The following HAUS7 variants were observed in gnomAD, a reference collection of about 807,000 sequenced individuals.
HAUS7 encodes HAUS augmin-like complex subunit 7.
A neutral mutation model predicts 28.4 loss-of-function variants in HAUS7; 3 were observed. The observed-to-expected ratio is 0.11, with a 90% confidence interval of 0.05 to 0.27. The LOEUF (loss-of-function observed/expected upper bound fraction) is 0.27, where lower values mean the gene tolerates loss of function less well. Ranked by LOEUF, HAUS7 falls within the 10% of genes least tolerant of loss-of-function variation. The probability of loss-of-function intolerance (pLI) is 1.00; values close to 1 mark genes in which losing one functional copy is unlikely to be tolerated. For missense variants in HAUS7, 284 were observed against 297.3 expected, an observed-to-expected ratio of 0.96 and a Z score of 0.33; for synonymous variants, 165 against 132.1, an observed-to-expected ratio of 1.25 and a Z score of -1.71.
intron 1 of HAUS7, among the ~76,000 whole-genome samples, chrX:153,494,180 G>A (rs2089689924): frequency 1.8e-5 from 2 of 111,978 alleles, no homozygotes; most frequent in South Asian, 3.8e-4. Context: ...GGGGTAACCC[G>A]GTTAGCCCCC....
intron 4 of HAUS7, chrX:153,461,831 C>T (rs934381583): frequency 3.4e-6 from 1 of 292,503 alleles, no homozygotes; most frequent in Non-Finnish European, 6.0e-6. Flanking sequence ...AGTTTGGGGG[C>T]TCCTCGAAAA....
chrX:153,465,583 C>T (rs1334079373), intron 2 of HAUS7, among the ~76,000 whole-genome samples: 1 of 112,637 alleles, frequency 8.9e-6, no homozygotes, highest in Non-Finnish European at 1.9e-5. Flanking sequence ...TGGTCACAGT[C>T]GAGGCTCATC....
In HAUS7 at chrX:153,485,969, T is replaced by G. The variant is rs782447989; in HGVS notation, c.-589+9405A>C. 7.3e-5 allele frequency: 71 copies of G among 977,619 alleles called. No homozygotes were observed. In the East Asian group the frequency reaches 5.1e-3, roughly 70 times the overall value. The allele number at this position is 977,619 out of a possible 1,213,427, so 80.6% of individuals were successfully genotyped here. A position where few individuals can be genotyped will look rare whatever the true frequency, so the allele number is the denominator to read the frequency against. ...GCAGGCTGACGGCATCCACAGCGTG[T>G]CCTTCCTGGGCCTGCGCGCCTCGCT... On this transcript the variant is annotated intron_variant, in intron 1 of 5. Transcript: ENST00000370210.
At chrX:153,468,787 C>T (rs1023271344) in intron 2 of HAUS7, among the ~76,000 whole-genome samples, 3 of 112,813 alleles carry the variant, frequency 2.7e-5, no homozygotes, top group Non-Finnish European at 5.6e-5. Context: ...TCCAGCCTGA[C>T]CCTTGGCTTC....
chrX:153,456,937 C>A, intron 5 of HAUS7, 200 bp downstream of exon 5: 1 of 442,947 alleles, frequency 2.3e-6, no homozygotes, highest in Admixed American at 3.9e-5. Flanking sequence ...GGGCCTTGGG[C>A]AACAGCCAGC....
In HAUS7 at chrX:153,469,201, G is replaced by A; in HGVS notation, c.169C>T (p.Leu57=). ...CGGTACTCTGAGGGGCTGCACAGCA[G>A]TTCCTGAATTGTCTTTGGCTCTGTG... The part of the protein sequence containing the change: ...YITEPKTIQE[L]LCSPSEYRLE... Residue 57 remains leucine, a synonymous_variant, in exon 2 of 10, where the codon CTG becomes TTG. Transcript: ENST00000370211. 8.3e-7 allele frequency: 1 copy of A among 1,201,136 alleles called. No homozygotes were observed. Among genetic ancestry groups the A allele is most frequent in the Non-Finnish European group, 1.1e-6 (1 of 885,295 alleles).
intron 4 of HAUS7, among the ~76,000 whole-genome samples, chrX:153,459,596 G>A (rs999428529): frequency 2.7e-5 from 3 of 112,004 alleles, no homozygotes; most frequent in Admixed American, 9.4e-5. Flanking sequence ...TCCCTCGGAC[G>A]TGACCCAAGT....
chrX:153,481,947 T>A (rs2089602786), intron 1 of HAUS7: 3 of 682,678 alleles, frequency 4.4e-6, no homozygotes, highest in South Asian at 1.5e-4. Context: ...CCCATTCACC[T>A]CTTCTCGGGG....
intron 1 of HAUS7, among the ~76,000 whole-genome samples, chrX:153,489,792 C>T (rs1225797184): frequency 1.8e-5 from 2 of 112,731 alleles, no homozygotes; most frequent in African/African-American, 6.4e-5. Context: ...TCCAACTGCC[C>T]CTCACTGGCC....
intron 2 of HAUS7, among the ~76,000 whole-genome samples, chrX:153,466,600 G>A (rs1372452672): frequency 2.7e-5 from 3 of 112,093 alleles, no homozygotes; most frequent in African/African-American, 9.8e-5. Context: ...TACAAAGAAA[G>A]GCAATGGGAA....
At chrX:153,482,694 G>A (rs2089608320) in intron 1 of HAUS7, 1 of 756,202 alleles carries the variant, frequency 1.3e-6, no homozygotes, top group Non-Finnish European at 1.6e-6. Context: ...ATGGCTCACC[G>A]CACCCCTCTG....
In HAUS7 at chrX:153,454,426, C is replaced by A. The variant is rs1556981558; in HGVS notation, c.1013G>T (p.Cys338Phe). 8.4e-7 allele frequency: 1 copy of A among 1,191,888 alleles called. No homozygotes were observed. Among genetic ancestry groups the A allele is most frequent in the African/African-American group, 1.8e-5 (1 of 55,897 alleles). The change falls in exon 9 of 10, where the codon TGC becomes TTC. Residue 338 changes from cysteine (C) to phenylalanine (F), a missense_variant. Cys to Phe is a radical substitution (Grantham distance 205). Coordinates refer to ENST00000370211, the MANE Select transcript of HAUS7 (RefSeq NM_001385482.1). Reference protein sequence around the residue: ...TVKKQQGEQICWGGSSSVMSL... With the variant: ...TVKKQQGEQIFWGGSSSVMSL... Reference sequence around the variant, plus strand: ...CATGACGGAGCTGCTGCCACCCCAGCAGATCTGCTCGCCTTGCTGCTTCTT... The same window carrying A: ...CATGACGGAGCTGCTGCCACCCCAGAAGATCTGCTCGCCTTGCTGCTTCTT...
intron 9 of HAUS7, among the ~76,000 whole-genome samples, chrX:153,448,729 T>A (rs890039718): frequency 8.9e-6 from 1 of 112,068 alleles, no homozygotes; most frequent in African/African-American, 3.2e-5. Flanking sequence ...GGACAGGCAC[T>A]GCCGAGCTGG....
intron 4 of HAUS7, among the ~76,000 whole-genome samples, chrX:153,460,292 T>G (rs1477771260): frequency 3.6e-5 from 4 of 111,592 alleles, no homozygotes; most frequent in African/African-American, 1.3e-4. Context: ...CAGGGTCTTT[T>G]GGGGGTGATG....
intron 1 of HAUS7, chrX:153,482,481 A>AGGG: frequency 1.3e-6 from 1 of 755,971 alleles, no homozygotes; most frequent in Non-Finnish European, 1.6e-6. Flanking sequence ...TTCCGGGGGC[A>AGGG]GGGACCGAGG....
rs1355708361 is a variant in HAUS7 at position 153,483,294 on chromosome X, C to T, written c.-589+12080G>A. 5 of 753,367 alleles carry T rather than the reference C, an allele frequency of 6.6e-6. No individual in the cohort carries two copies. The African/African-American group carries it at 1.2e-4, about 17-fold the overall frequency. The allele number at this position is 753,367 out of a possible 1,213,427, so 62.1% of individuals were successfully genotyped here. ...TGGGCCCCTCACCCCAACCCCTGAC[C>T]CCGACCCTAGGAGCTGCACCTGGGC... is the stretch of plus-strand genomic sequence containing the variant. On this transcript the variant is annotated intron_variant, in intron 1 of 5. Transcript: ENST00000370210.
chrX:153,485,740 C>T (rs2089632306), intron 1 of HAUS7: 1 of 814,237 alleles, frequency 1.2e-6, no homozygotes, highest in Non-Finnish European at 1.5e-6. Flanking sequence ...ACCGTCAGCT[C>T]CCTCTGCCCC....
chrX:153,455,499 C>T (rs1436428063), intron 8 of HAUS7, 43 bp downstream of exon 8: 18 of 875,032 alleles, frequency 2.1e-5, no homozygotes, highest in Non-Finnish European at 2.9e-5. Flanking sequence ...TCTGAGTGAA[C>T]AGGGGAGGGG....
intron 8 of HAUS7, chrX:153,455,026 C>T (rs1556981786): frequency 9.7e-7 from 1 of 1,026,784 alleles, no homozygotes; most frequent in East Asian, 6.0e-5. Flanking sequence ...GTAACTAAAG[C>T]CGGCTTTTTA....
Sources: gnomAD v4.1 joint callset for allele counts (sites outside exome capture counted in the v4.1 genomes callset) on GRCh38, gnomAD v4.1.1 for gene constraint, MANE v1.5 for transcripts, NCBI Gene and HGNC (gene_info 2026-07-23, HGNC 2026-07-21) for gene names.